KCNMA1: variants seen among roughly 807,000 people sequenced by gnomAD.
The protein encoded by KCNMA1 is Calcium-activated potassium channel subunit alpha-1.
Under a neutral mutation model 140.0 loss-of-function variants are expected in KCNMA1, and 29 were observed. The ratio of observed to expected loss-of-function variants is 0.21; its 90% confidence interval spans 0.15 to 0.28. The LOEUF (loss-of-function observed/expected upper bound fraction) is 0.28, where lower values mean the gene tolerates loss of function less well. KCNMA1 is among the 10% of genes least tolerant of loss of function. The probability of loss-of-function intolerance (pLI) is 1.00; values close to 1 mark genes in which losing one functional copy is unlikely to be tolerated. For synonymous variants in KCNMA1, 612 were observed against 611.9 expected, an observed-to-expected ratio of 1.00 and a Z score of 0.00; for missense variants, 880 against 1,602.2, an observed-to-expected ratio of 0.55 and a Z score of 7.70.
At chr10:77,424,988 A>AGGGCCTAGCACT (rs2096946346) in intron 1 of KCNMA1, among the ~76,000 whole-genome samples, 1 of 152,236 alleles carries the variant, frequency 6.6e-6, no homozygotes, top group South Asian at 2.1e-4. Context: ...TTGTCTACAC[A>AGGGCCTAGCACT]GGGCCTAGCA....
chr10:77,085,657 C>A (rs1300938830), intron 11 of KCNMA1, among the ~76,000 whole-genome samples: 1 of 152,096 alleles, frequency 6.6e-6, no homozygotes, highest in East Asian at 1.9e-4. Context: ...TGTCACAAAT[C>A]ATCTCTGATT....
chr10:77,330,497 A>G (rs1167816243), intron 2 of KCNMA1, among the ~76,000 whole-genome samples: 1 of 152,218 alleles, frequency 6.6e-6, no homozygotes, highest in Non-Finnish European at 1.5e-5. Flanking sequence ...TCCAGGAGTC[A>G]GGATGAAATA....
At chr10:77,119,853 C>T (rs2097557770) in intron 6 of KCNMA1, among the ~76,000 whole-genome samples, 1 of 152,048 alleles carries the variant, frequency 6.6e-6, no homozygotes, top group African/African-American at 2.4e-5. Flanking sequence ...CTCACAGTCA[C>T]ATAGATGAGC....
At chr10:76,919,348 A>C (rs572735668) in intron 23 of KCNMA1, among the ~76,000 whole-genome samples, 44 of 152,204 alleles carry the variant, frequency 2.9e-4, no homozygotes, top group Non-Finnish European at 4.3e-4. Flanking sequence ...ACTTCCAAAG[A>C]CCACCTGAAC....
chr10:77,613,269 C>T (rs1191040282), intron 1 of KCNMA1, among the ~76,000 whole-genome samples: 1 of 152,174 alleles, frequency 6.6e-6, no homozygotes, highest in Non-Finnish European at 1.5e-5. Context: ...CACAACCTTC[C>T]CCAGTTGCAG....
intron 2 of KCNMA1, among the ~76,000 whole-genome samples, chr10:77,340,035 T>C (rs189513398): frequency 6.6e-6 from 1 of 152,274 alleles, no homozygotes; most frequent in East Asian, 1.9e-4. Flanking sequence ...AAACTGCTTT[T>C]CTCTCTGTTA....
At chr10:76,907,490 T>C (rs565205139) in intron 25 of KCNMA1, among the ~76,000 whole-genome samples, 2 of 152,338 alleles carry the variant, frequency 1.3e-5, no homozygotes, top group East Asian at 3.9e-4. Flanking sequence ...GTGTTCAGCC[T>C]ATGTGGTTGC....
intron 15 of KCNMA1, chr10:77,039,166 G>T (rs1264950750): frequency 1.5e-5 from 5 of 326,390 alleles, no homozygotes; most frequent in Non-Finnish European, 2.3e-5. Flanking sequence ...TTCATTGAGG[G>T]GCTGGCAAGA....
intron 1 of KCNMA1, among the ~76,000 whole-genome samples, chr10:77,606,801 G>A (rs934456938): frequency 6.6e-6 from 1 of 152,114 alleles, no homozygotes; most frequent in Non-Finnish European, 1.5e-5. Context: ...GCCACCAAGA[G>A]TTTATCGTGT....
At chr10:77,379,094 A>G (rs1445935322) in intron 2 of KCNMA1, among the ~76,000 whole-genome samples, 1 of 152,198 alleles carries the variant, frequency 6.6e-6, no homozygotes, top group African/African-American at 2.4e-5. Flanking sequence ...GGCACCATAG[A>G]AAACAGTGTA....
chr10:77,492,469 A>ACCAGGCATCAT lies in KCNMA1; in HGVS notation c.379-88457_379-88447dup, dbSNP rs1208696839. Among the ~76,000 whole-genome samples the ACCAGGCATCAT allele has an allele frequency of 6.6e-5, 10 of 152,332 alleles. No homozygotes were observed. In the East Asian group the frequency reaches 1.9e-3, roughly 29 times the overall value. On this transcript the variant is annotated intron_variant, in intron 1 of 27. Coordinates refer to ENST00000286628, the MANE Select transcript of KCNMA1 (RefSeq NM_001161352.2). Reference sequence around the variant, plus strand: ...TGCATTTACTCTGTACTGAGGATGCACCAGGCATCATTCTAAGCCCTTAAT... The same window carrying ACCAGGCATCAT: ...TGCATTTACTCTGTACTGAGGATGCACCAGGCATCATCCAGGCATCATTCTAAGCCCTTAAT...
chr10:77,583,930 A>T (rs2076527581), intron 1 of KCNMA1, among the ~76,000 whole-genome samples: 1 of 152,242 alleles, frequency 6.6e-6, no homozygotes, highest in Non-Finnish European at 1.5e-5. Context: ...GTAGATAAAA[A>T]AGGAACTTTC....
intron 2 of KCNMA1, among the ~76,000 whole-genome samples, chr10:77,336,461 A>G (rs550690401): frequency 1.3e-5 from 2 of 152,328 alleles, no homozygotes; most frequent in South Asian, 2.1e-4. Context: ...AATGCAAAGA[A>G]AGAAAAAAAA....
intron 2 of KCNMA1, among the ~76,000 whole-genome samples, chr10:77,325,332 G>C (rs2083768218): frequency 6.6e-6 from 1 of 152,164 alleles, no homozygotes; most frequent in Non-Finnish European, 1.5e-5. Flanking sequence ...GGGCGTCGAG[G>C]AGAGCAGGTG....
Position 77,108,880 on chromosome 10 carries a change from C to T in KCNMA1, c.1132-308G>A, listed in dbSNP as rs767096041. Among the ~76,000 whole-genome samples, 19 of 151,714 alleles carry T rather than the reference C, an allele frequency of 1.3e-4. No homozygotes were observed. The highest frequency in any genetic ancestry group is 2.6e-4 in the Non-Finnish European group (18 of 67,956). The stretch of plus-strand genomic sequence containing the variant: ...GTTCTTCTTGCTGAAGAAAAATAGG[C>T]AAGAGGGGGACATGCTAGTGAAACT... On this transcript the variant is annotated intron_variant, in intron 8 of 27. Transcript: ENST00000286628. This position sits in a 1 kb window ranked among gnomAD's most constrained non-coding sequence, Gnocchi z 4.6.
intron 1 of KCNMA1, among the ~76,000 whole-genome samples, chr10:77,416,713 C>T (rs1235504427): frequency 6.6e-6 from 1 of 152,224 alleles, no homozygotes; most frequent in Non-Finnish European, 1.5e-5. Context: ...CACACGTGTG[C>T]TTATTCTCTA....
intron 5 of KCNMA1, among the ~76,000 whole-genome samples, chr10:77,131,873 G>A (rs777112927): frequency 3.3e-5 from 5 of 151,368 alleles, no homozygotes; most frequent in Non-Finnish European, 5.9e-5. Flanking sequence ...GCTGAGGCAG[G>A]AGAATCGCTT....
chr10:77,471,045 C>T (rs1439170307), intron 1 of KCNMA1, among the ~76,000 whole-genome samples: 1 of 151,790 alleles, frequency 6.6e-6, no homozygotes, highest in East Asian at 1.9e-4. Flanking sequence ...ACACTGCACA[C>T]CACATACATA....
chr10:77,482,877 C>A (rs1295718189), intron 1 of KCNMA1, among the ~76,000 whole-genome samples: 1 of 151,850 alleles, frequency 6.6e-6, no homozygotes, highest in Non-Finnish European at 1.5e-5. Context: ...CCAACCCACC[C>A]CGATGCCCCC....
Sources: gnomAD v4.1 joint callset for allele counts (sites outside exome capture counted in the v4.1 genomes callset) on GRCh38, gnomAD v4.1.1 for gene constraint, Gnocchi (gnomAD v3.1) non-coding constraint, MANE v1.5 for transcripts, NCBI Gene and HGNC (gene_info 2026-07-23, HGNC 2026-07-21) for gene names.